Variants in VPS51 observed in about 807,000 individuals in gnomAD.
The protein encoded by VPS51 is VPS51 subunit of GARP complex.
In VPS51, 55 loss-of-function variants were observed where a neutral mutation model predicts 65.1. The ratio of observed to expected loss-of-function variants is 0.84; its 90% CI spans 0.68 to 1.06. VPS51 has a LOEUF of 1.06. VPS51 is among the 50% of genes least tolerant of loss of function. The pLI, the probability that VPS51 is intolerant of heterozygous loss-of-function variation, is 0.00. For missense variants in VPS51, 943 were observed against 1,101.6 expected (o/e 0.86, Z 2.04); for synonymous variants, 473 against 489.5 (o/e 0.97, Z 0.44).
At chr11:65,096,875 G>A (rs1450588201) in intron 1 of VPS51, 123 bp from the exon 2 acceptor site, 3 of 1,439,788 alleles carry the variant, frequency 2.1e-6, no homozygotes, top group South Asian at 1.4e-5. Flanking sequence ...CCTGACAGCC[G>A]GCGGGGGTTT....
chr11:65,105,741 G>T (rs1947837283), intron 2 of VPS51, among the ~76,000 whole-genome samples: 1 of 152,216 alleles, frequency 6.6e-6, no homozygotes, highest in Non-Finnish European at 1.5e-5. Context: ...GCAGGTCAGG[G>T]CCTCAGGCCT....
At position 65,109,831 on chromosome 11, in the gene VPS51, G is replaced by A; in HGVS notation, c.1786G>A (p.Glu596Lys). The A allele has an allele frequency of 6.2e-7, 1 of 1,611,892 alleles. No homozygotes were observed. Among genetic ancestry groups the A allele is most frequent in the Middle Eastern group, 1.7e-4 (1 of 6,054 alleles). Reference protein sequence around the residue: ...VISQMLRKSVETRDWLSTLEP... With the variant: ...VISQMLRKSVKTRDWLSTLEP... ...ATCACAGATGCTGCGCAAGAGCGTG[G>A]AGACTCGCGACTGGCTCAGCACTCT... Residue 596 changes from glutamate to lysine, a missense_variant, in exon 7 of 10, where the codon GAG (glutamate) becomes AAG (lysine). Glu to Lys is a moderately conservative substitution (Grantham distance 56, BLOSUM62 1). Transcript: ENST00000279281.
intron 5 of VPS51, 178 bp from the exon 6 acceptor site, chr11:65,109,102 T>C (rs556367817): frequency 1.2e-4 from 123 of 998,264 alleles, no homozygotes; most frequent in South Asian, 9.1e-4. Context: ...CATGGTGGGG[T>C]CCCCAGTGTT....
rs879029407 is a variant in VPS51 at position 65,107,852 on chromosome 11, G to A, written c.555G>A (p.Ser185=). 3.9e-6 allele frequency: 6 copies of A among 1,552,588 alleles called. No homozygotes were observed. Among genetic ancestry groups the A allele is most frequent in the Non-Finnish European group, 3.5e-6 (4 of 1,149,492 alleles). ...TGCAGTTCCTCTTTGAGCTGCCCTC[G>A]CGCCTCACCAAGTGCGTGGAACTGG... ...RKLQFLFELP[S]RLTKCVELGA... The change falls in exon 4 of 10, where the codon TCG becomes TCA. Residue 185 remains serine, a synonymous_variant. Transcript: ENST00000279281. This position sits in a 1 kb window ranked among gnomAD's most constrained non-coding sequence, Gnocchi z 4.0.
At chr11:65,110,292 T>C in intron 7 of VPS51, 190 bp from the exon 8 acceptor site, 5 of 987,498 alleles carry the variant, frequency 5.1e-6, no homozygotes, top group Non-Finnish European at 4.6e-6. Flanking sequence ...CCAACTCTTG[T>C]ATCCTGCCTT....
chr11:65,106,916 AAG>A (rs1002327933), intron 2 of VPS51, among the ~76,000 whole-genome samples: 24 of 152,070 alleles, frequency 1.6e-4, no homozygotes, highest in African/African-American at 5.6e-4. Context: ...AGAGACAGCA[AAG>A]AGGAGGGTTG....
intron 1 of VPS51, 94 bp from the exon 2 acceptor site, chr11:65,096,904 A>G (rs1349565448): frequency 2.0e-6 from 3 of 1,534,872 alleles, no homozygotes; most frequent in African/African-American, 1.4e-5. Flanking sequence ...GGTGGGGATC[A>G]GAGATTTCTT....
intron 8 of VPS51, 24 bp downstream of exon 8, chr11:65,110,627 A>AG: frequency 6.2e-7 from 1 of 1,614,088 alleles, no homozygotes; most frequent in Non-Finnish European, 8.5e-7. Flanking sequence ...GGGGAGCCCC[A>AG]GGGGGAAGGG....
chr11:65,102,623 T>C (rs1947816737), intron 2 of VPS51, among the ~76,000 whole-genome samples: 1 of 152,210 alleles, frequency 6.6e-6, no homozygotes, highest in Non-Finnish European at 1.5e-5. Context: ...TGGTAGCTTT[T>C]GGCAGACCTG....
rs796882242 is a variant in VPS51 at position 65,096,731 on chromosome 11, G to A, written c.228+253G>A. Reference sequence around the variant, plus strand: ...TGATGTGATAGGCCCGGAATTGGGGGCGTGGCCCAAGCGTTGACAGGCGCG... The same window carrying A: ...TGATGTGATAGGCCCGGAATTGGGGACGTGGCCCAAGCGTTGACAGGCGCG... On this transcript the variant is annotated intron_variant, in intron 1 of 9. Coordinates refer to ENST00000279281, the MANE Select transcript of VPS51 (RefSeq NM_013265.4). 1.9e-4 allele frequency: 120 copies of A among 643,442 alleles called. No individual in the cohort carries two copies. The African/African-American group carries it at 2.1e-3, about 11-fold the overall frequency. 39.9% of individuals were successfully genotyped at this position (643,442 alleles called of 1,614,324 possible).
intron 2 of VPS51, among the ~76,000 whole-genome samples, chr11:65,104,629 T>A (rs1234524880): frequency 6.6e-6 from 1 of 152,246 alleles, no homozygotes; most frequent in Non-Finnish European, 1.5e-5. Context: ...CTGGATTTTG[T>A]TTGCTTATTT....
At position 65,110,306 on chromosome 11, in the gene VPS51, C is replaced by G; in HGVS notation, c.1879-176C>G. The G allele has an allele frequency of 6.3e-6, 7 of 1,115,170 alleles. 1 individual carries two copies. The highest frequency in any genetic ancestry group is 6.5e-6 in the Non-Finnish European group (5 of 764,852). The allele number at this position is 1,115,170 out of a possible 1,614,324, so 69.1% of individuals were successfully genotyped here. ...ACCAACTCTTGTATCCTGCCTTTGCCCCACTCCACTGGTTCTATAAATAGC... is the reference window on the plus strand; with the variant it reads ...ACCAACTCTTGTATCCTGCCTTTGCGCCACTCCACTGGTTCTATAAATAGC... On this transcript the variant is annotated intron_variant, in intron 7 of 9. Coordinates refer to ENST00000279281, the MANE Select transcript of VPS51 (RefSeq NM_013265.4).
intron 2 of VPS51, among the ~76,000 whole-genome samples, chr11:65,104,675 A>G (rs904422660): frequency 2.6e-5 from 4 of 152,178 alleles, no homozygotes; most frequent in African/African-American, 9.7e-5. Context: ...TCATCCTTGC[A>G]TCTCCATTCA....
chr11:65,106,937 T>C (rs1462383839), intron 2 of VPS51, among the ~76,000 whole-genome samples: 1 of 151,998 alleles, frequency 6.6e-6, no homozygotes, highest in East Asian at 1.9e-4. Context: ...TGTGGCTTGA[T>C]GGCATGGTCT....
Position 65,108,618 on chromosome 11 carries a change from GGGGCC to G in VPS51, c.1148_1152del (p.Gly383AlafsTer74). On this transcript the variant is annotated frameshift_variant, in exon 5 of 10. Transcript: ENST00000279281. LOFTEE classifies it high-confidence loss of function. ...CTTCCACCGGCGCTTGCGGGCTCCC[GGGGCC>G]CTGCTGGCCGCTGCCGGGCTCGCAG... 6.5e-7 allele frequency: 1 copy of G among 1,528,746 alleles called. No homozygotes were observed. The highest frequency in any genetic ancestry group is 8.7e-7 in the Non-Finnish European group (1 of 1,146,042). The allele number at this position is 1,528,746 out of a possible 1,614,324, so 94.7% of individuals were successfully genotyped here.
chr11:65,109,194 G>A (rs899209650), intron 5 of VPS51, 86 bp from the exon 6 acceptor site: 5 of 1,413,298 alleles, frequency 3.5e-6, no homozygotes, highest in Non-Finnish European at 4.8e-6. Context: ...GAGGGGGCTG[G>A]GGCACTTAGA....
chr11:65,108,284 G>C lies in VPS51; in HGVS notation c.813G>C (p.Glu271Asp). The change falls in exon 5 of 10, where the codon GAG becomes GAC. Residue 271 changes from glutamate to aspartate, a missense_variant. By Grantham distance (45) the Glu-to-Asp change is conservative. Transcript: ENST00000279281. ...AGCCTGCGGAGGAGCTGTGCGAGGA[G>C]TTCCTGGCGCACGCCCGCGGCCGGC... ...LGEPAEELCEEFLAHARGRLE... is the reference protein window; with the variant it reads ...LGEPAEELCEDFLAHARGRLE... 1 of 1,602,112 alleles carries C rather than the reference G, an allele frequency of 6.2e-7. No homozygotes were observed. The highest frequency in any genetic ancestry group is 8.5e-7 in the Non-Finnish European group (1 of 1,175,306).
chr11:65,098,129 C>A (rs1307487835), intron 2 of VPS51, among the ~76,000 whole-genome samples: 1 of 151,920 alleles, frequency 6.6e-6, no homozygotes, highest in Non-Finnish European at 1.5e-5. Flanking sequence ...TGCGGTGAGC[C>A]AAGATCACGT....
At position 65,111,333 on chromosome 11, in the gene VPS51, G is replaced by A; in HGVS notation, c.2095G>A (p.Val699Met). The A allele has an allele frequency of 6.2e-7, 1 of 1,603,354 alleles. No individual in the cohort carries two copies. The highest frequency in any genetic ancestry group is 8.5e-7 in the Non-Finnish European group (1 of 1,179,644). The change falls in exon 10 of 10, where the codon GTG becomes ATG. Residue 699 changes from valine to methionine, a missense_variant. By Grantham distance (21) the Val-to-Met change is conservative. Coordinates refer to ENST00000279281, the MANE Select transcript of VPS51 (RefSeq NM_013265.4). ...FSPVEFNKVSVLTGIIKISLK... is the reference protein window; with the variant it reads ...FSPVEFNKVSMLTGIIKISLK... ...CCTGTGTCCCTGCCTGCAGGTGTCGGTGCTGACCGGCATCATCAAGATCAG... is the reference window on the plus strand; with the variant it reads ...CCTGTGTCCCTGCCTGCAGGTGTCGATGCTGACCGGCATCATCAAGATCAG...
Sources: gnomAD v4.1 joint callset for allele counts (sites outside exome capture counted in the v4.1 genomes callset) on GRCh38, gnomAD v4.1.1 for gene constraint, Gnocchi (gnomAD v3.1) non-coding constraint, MANE v1.5 for transcripts, NCBI Gene and HGNC (gene_info 2026-07-23, HGNC 2026-07-21) for gene names.